The following TRHDE variants were observed in gnomAD, a reference collection of about 807,000 sequenced individuals.
TRHDE encodes the protein thyrotropin-releasing hormone-degrading ectoenzyme.
TRHDE carries 72 observed loss-of-function variants against 125.7 expected under a neutral mutation model. The observed-to-expected ratio is 0.57, with a 90% confidence interval of 0.47 to 0.70. TRHDE has a LOEUF of 0.70. TRHDE is among the 30% of genes least tolerant of loss of function. The pLI, the probability that TRHDE is intolerant of heterozygous loss-of-function variation, is 0.00. For synonymous variants in TRHDE, 509 were observed against 509.1 expected (o/e 1.00, Z 0.00); for missense variants, 1,110 against 1,327.1 (o/e 0.84, Z 2.54).
chr12:72,233,126 G>A (rs1878278515), intron 2 of TRHDE, among the ~76,000 whole-genome samples: 1 of 152,130 alleles, frequency 6.6e-6, no homozygotes, highest in Non-Finnish European at 1.5e-5. Context: ...TTCTCCCCAA[G>A]CCTCCAATAA....
chr12:72,346,486 T>G (rs1247664970), intron 2 of TRHDE, among the ~76,000 whole-genome samples: 2 of 6,494 alleles, frequency 3.1e-4, no homozygotes, highest in Non-Finnish European at 6.3e-4. Flanking sequence ...GTGTTAACTG[T>G]TCCCGAGGAG....
At chr12:72,290,105 A>G (rs1943805145) in intron 2 of TRHDE, among the ~76,000 whole-genome samples, 2 of 152,198 alleles carry the variant, frequency 1.3e-5, no homozygotes, top group African/African-American at 4.8e-5. Context: ...GAAGAGGGAG[A>G]AATTCTTAAG....
chr12:72,254,793 T>G (rs1441269580), intron 2 of TRHDE: 1 of 152,138 alleles, frequency 6.6e-6, no homozygotes, highest in Non-Finnish European at 1.5e-5. Context: ...AGGACAAGAT[T>G]CCAACAAATC....
chr12:72,113,508 G>A (rs1458185960), intron 2 of TRHDE, among the ~76,000 whole-genome samples: 3 of 151,822 alleles, frequency 2.0e-5, no homozygotes, highest in African/African-American at 7.3e-5. Flanking sequence ...ATGTTTCTCC[G>A]ATTGGTCTCG....
chr12:72,472,435 T>C (rs1876692238), intron 4 of TRHDE, among the ~76,000 whole-genome samples: 1 of 151,902 alleles, frequency 6.6e-6, no homozygotes, highest in Admixed American at 6.6e-5. Flanking sequence ...TCTTAGAGAA[T>C]TTTTTTTGGT....
At chr12:72,308,604 C>T (rs1290799373) in intron 2 of TRHDE, among the ~76,000 whole-genome samples, 1 of 152,122 alleles carries the variant, frequency 6.6e-6, no homozygotes, top group Non-Finnish European at 1.5e-5. Context: ...CAGAAGCTAA[C>T]AAGCCCAGTC....
At chr12:72,095,310 A>G (rs1405646638) in intron 1 of TRHDE, among the ~76,000 whole-genome samples, 1 of 152,218 alleles carries the variant, frequency 6.6e-6, no homozygotes, top group Non-Finnish European at 1.5e-5. Flanking sequence ...TTGGAGCTGG[A>G]AAAGAGAACA....
At chr12:72,480,069 A>G (rs539512041) in intron 5 of TRHDE, among the ~76,000 whole-genome samples, 1 of 150,550 alleles carries the variant, frequency 6.6e-6, no homozygotes, top group Non-Finnish European at 1.5e-5. Context: ...TCATTGTTGG[A>G]CATTTGGGTT....
intron 2 of TRHDE, among the ~76,000 whole-genome samples, chr12:72,159,379 C>T (rs1876587879): frequency 6.6e-6 from 1 of 152,086 alleles, no homozygotes; most frequent in South Asian, 2.1e-4. Flanking sequence ...AACATTAGAC[C>T]TCACAACAGA....
chr12:72,521,435 G>T (rs1414017256), intron 6 of TRHDE, among the ~76,000 whole-genome samples: 2 of 152,164 alleles, frequency 1.3e-5, no homozygotes, highest in Non-Finnish European at 2.9e-5. Context: ...AGATGAGCAT[G>T]GTGTAGAGGG....
At chr12:72,627,657 G>A (rs970396088) in intron 15 of TRHDE, among the ~76,000 whole-genome samples, 1 of 151,816 alleles carries the variant, frequency 6.6e-6, no homozygotes, top group African/African-American at 2.4e-5. Flanking sequence ...CTACATATGG[G>A]TAATGGCATG....
Position 72,398,715 on chromosome 12 carries a change from TA to T in TRHDE, c.1315+20595del, listed in dbSNP as rs1872909982. ...ACAGCATTTTTAATAAATTAAATCTTATTTGGGGTCCCTATGAAGACAACAA... is the reference window on the plus strand; with the variant it reads ...ACAGCATTTTTAATAAATTAAATCTTTTTGGGGTCCCTATGAAGACAACAA... On this transcript the variant is annotated intron_variant, in intron 3 of 18. Transcript: ENST00000261180. Among the ~76,000 whole-genome samples, 4 of 152,344 alleles carry T rather than the reference TA, an allele frequency of 2.6e-5. No homozygotes were observed. The South Asian group carries it at 8.3e-4, about 32-fold the overall frequency.
intron 2 of TRHDE, among the ~76,000 whole-genome samples, chr12:72,314,311 T>TCCTC (rs1440228631): frequency 1.3e-5 from 2 of 150,906 alleles, no homozygotes; most frequent in Admixed American, 6.6e-5. Flanking sequence ...CTTTTCTATC[T>TCCTC]CCTCCCTTCC....
chr12:72,484,775 T>C (rs1018188362), intron 5 of TRHDE, among the ~76,000 whole-genome samples: 6 of 152,176 alleles, frequency 3.9e-5, no homozygotes, highest in African/African-American at 1.4e-4. Flanking sequence ...ATCCTAAAGG[T>C]TGGTTGTCAG....
At chr12:72,529,936 G>A (rs1214907) in intron 6 of TRHDE, among the ~76,000 whole-genome samples, 147,057 of 152,226 alleles carry the variant, frequency 0.97, 71,070 homozygotes, top group East Asian at 1. Context: ...ATCAATTCCT[G>A]TATACTCTGC....
chr12:72,373,267 T>G (rs2135768057), intron 2 of TRHDE, among the ~76,000 whole-genome samples: 1 of 152,334 alleles, frequency 6.6e-6, no homozygotes, highest in South Asian at 2.1e-4. Context: ...CTGAAGTTGC[T>G]TATCAGCTTA....
chr12:72,578,984 G>GTTTTTTTTT (rs3081947), intron 12 of TRHDE, among the ~76,000 whole-genome samples: 3 of 135,944 alleles, frequency 2.2e-5, no homozygotes, highest in African/African-American at 8.1e-5. Context: ...ACTGTTTAGT[G>GTTTTTTTTT]TTTTTTTTTT....
At chr12:72,093,771 G>T (rs1473837053) in intron 1 of TRHDE, among the ~76,000 whole-genome samples, 3 of 152,128 alleles carry the variant, frequency 2.0e-5, no homozygotes, top group African/African-American at 7.2e-5. Context: ...CTTGCGTCTT[G>T]TTGAGCTTCT....
At chr12:72,114,920 T>C (rs1423885863) in intron 2 of TRHDE, among the ~76,000 whole-genome samples, 1 of 152,146 alleles carries the variant, frequency 6.6e-6, no homozygotes, top group Non-Finnish European at 1.5e-5. Flanking sequence ...AACTACAAGA[T>C]AAATTTATTA....
Sources: gnomAD v4.1 joint callset for allele counts (sites outside exome capture counted in the v4.1 genomes callset) on GRCh38, gnomAD v4.1.1 for gene constraint, MANE v1.5 for transcripts, NCBI Gene and HGNC (gene_info 2026-07-23, HGNC 2026-07-21) for gene names.